Variants in LINGO2 observed in about 807,000 individuals in gnomAD.
The protein encoded by LINGO2 is leucine rich repeat and Ig domain containing 2.
In LINGO2, 14 loss-of-function variants were observed where a neutral mutation model predicts 30.6. The ratio of observed to expected loss-of-function variants is 0.46; its 90% confidence interval spans 0.30 to 0.72. The LOEUF (loss-of-function observed/expected upper bound fraction) is 0.72. Ranked by LOEUF, LINGO2 falls within the 30% of genes least tolerant of loss-of-function variation. LINGO2 has a pLI of 0.07. For synonymous variants in LINGO2, 317 were observed against 288.5 expected, an observed-to-expected ratio of 1.10 and a Z score of -1.00; for missense variants, 729 against 751.7, an observed-to-expected ratio of 0.97 and a Z score of 0.35.
intron 4 of LINGO2, among the ~76,000 whole-genome samples, chr9:28,090,912 C>T (rs1307261934): frequency 1.3e-5 from 2 of 152,216 alleles, no homozygotes; most frequent in East Asian, 3.9e-4. Flanking sequence ...CATTCTTATA[C>T]ACCAATAACA....
intron 1 of LINGO2, among the ~76,000 whole-genome samples, chr9:28,667,249 C>T (rs936490366): frequency 2.0e-5 from 3 of 152,210 alleles, no homozygotes; most frequent in African/African-American, 7.2e-5. Context: ...TAACTAAACC[C>T]ATGTAATATT....
intron 1 of LINGO2, among the ~76,000 whole-genome samples, chr9:28,552,849 G>C (rs539416235): frequency 7.0e-6 from 1 of 143,086 alleles, no homozygotes; most frequent in African/African-American, 2.6e-5. Flanking sequence ...AACTTTCATT[G>C]TATTTTTCCA....
chr9:28,596,668 T>G (rs1384339445), intron 1 of LINGO2, among the ~76,000 whole-genome samples: 1 of 152,218 alleles, frequency 6.6e-6, no homozygotes, highest in Non-Finnish European at 1.5e-5. Flanking sequence ...ATTGCAAATA[T>G]TTTATTTATT....
chr9:28,342,456 A>G (rs559512774), intron 3 of LINGO2, among the ~76,000 whole-genome samples: 11 of 152,200 alleles, frequency 7.2e-5, no homozygotes, highest in South Asian at 2.1e-4. Context: ...TGCTGCAGTG[A>G]CCCACCAGCC....
At chr9:28,028,122 A>G (rs1166641232) in intron 4 of LINGO2, among the ~76,000 whole-genome samples, 2 of 152,166 alleles carry the variant, frequency 1.3e-5, no homozygotes, top group African/African-American at 4.8e-5. Context: ...TTCATCACTC[A>G]TGCTATATTT....
At chr9:28,513,937 A>T (rs1820516911) in intron 1 of LINGO2, among the ~76,000 whole-genome samples, 2 of 152,234 alleles carry the variant, frequency 1.3e-5, no homozygotes, top group Non-Finnish European at 2.9e-5. Flanking sequence ...GAGCAAGTCT[A>T]TCAGCACCAT....
At chr9:28,344,163 G>C (rs1393986481) in intron 3 of LINGO2, among the ~76,000 whole-genome samples, 1 of 152,014 alleles carries the variant, frequency 6.6e-6, no homozygotes, top group Non-Finnish European at 1.5e-5. Flanking sequence ...AATGACAGAA[G>C]AGTGACCCTA....
chr9:28,933,406 T>C, the LINGO2 span, among the ~76,000 whole-genome samples: 1 of 152,246 alleles, frequency 6.6e-6, no homozygotes, highest in South Asian at 2.1e-4. Context: ...GCATAAGAAC[T>C]CTTTACTAAC....
At chr9:27,975,811 GAC>G (rs1392247582) in intron 5 of LINGO2, among the ~76,000 whole-genome samples, 13 of 152,080 alleles carry the variant, frequency 8.5e-5, no homozygotes, top group Non-Finnish European at 1.5e-4. Context: ...GGTGAAATCT[GAC>G]ACAAATTTTA....
At chr9:29,159,450 A>C in the LINGO2 span, among the ~76,000 whole-genome samples, 1 of 152,224 alleles carries the variant, frequency 6.6e-6, no homozygotes. Context: ...TTGATTAAGA[A>C]GTTATACAAG....
At chr9:28,614,060 C>A (rs1484000934) in intron 1 of LINGO2, among the ~76,000 whole-genome samples, 1 of 152,000 alleles carries the variant, frequency 6.6e-6, no homozygotes, top group Non-Finnish European at 1.5e-5. Flanking sequence ...TTACTGATGC[C>A]TGGACTAGAT....
the LINGO2 span, among the ~76,000 whole-genome samples, chr9:28,905,968 T>C: frequency 6.6e-6 from 1 of 152,208 alleles, no homozygotes; most frequent in East Asian, 1.9e-4. Context: ...AATGGTATAC[T>C]TTTAAGCCTT....
the LINGO2 span, among the ~76,000 whole-genome samples, chr9:28,705,893 A>T: frequency 6.6e-6 from 1 of 152,086 alleles, no homozygotes; most frequent in Admixed American, 6.6e-5. Flanking sequence ...TTTGCTCTGT[A>T]ACCTCACTTC....
At chr9:28,269,183 C>G (rs1221021287) in intron 4 of LINGO2, among the ~76,000 whole-genome samples, 2 of 152,038 alleles carry the variant, frequency 1.3e-5, no homozygotes, top group Non-Finnish European at 2.9e-5. Flanking sequence ...AATTATACCT[C>G]TATTTTCCTA....
the LINGO2 span, among the ~76,000 whole-genome samples, chr9:28,951,133 C>A: frequency 3.3e-5 from 5 of 152,062 alleles, no homozygotes; most frequent in African/African-American, 1.2e-4. Flanking sequence ...CAAAAACAAG[C>A]AATGGAGAAG....
intron 2 of LINGO2, among the ~76,000 whole-genome samples, chr9:28,382,987 T>C (rs1821414502): frequency 6.6e-6 from 1 of 152,032 alleles, no homozygotes; most frequent in East Asian, 1.9e-4. Context: ...TAAAACAATG[T>C]GGACAAAAAG....
the LINGO2 span, among the ~76,000 whole-genome samples, chr9:28,685,161 A>C: frequency 1.3e-5 from 2 of 152,168 alleles, no homozygotes; most frequent in Admixed American, 1.3e-4. Context: ...AAATGTTCTC[A>C]TTCTTTTTTA....
At chr9:28,608,281 C>T (rs1452266509) in intron 1 of LINGO2, among the ~76,000 whole-genome samples, 1 of 151,540 alleles carries the variant, frequency 6.6e-6, no homozygotes, top group Non-Finnish European at 1.5e-5. Flanking sequence ...TGGTAAGGCT[C>T]TTTATAATAA....
At chr9:28,120,125 A>G (rs1178309214) in intron 4 of LINGO2, among the ~76,000 whole-genome samples, 1 of 152,224 alleles carries the variant, frequency 6.6e-6, no homozygotes, top group East Asian at 1.9e-4. Flanking sequence ...CTGGAAAGAA[A>G]TAGGATTGAT....
Sources: allele counts gnomAD v4.1 joint callset (sites outside exome capture counted in the v4.1 genomes callset), GRCh38; gene constraint gnomAD v4.1.1; transcripts MANE v1.5; gene names NCBI Gene and HGNC (gene_info 2026-07-23, HGNC 2026-07-21).